Variants in RAPGEF6 observed in about 807,000 individuals in gnomAD.
The protein encoded by RAPGEF6 is Rap guanine nucleotide exchange factor 6.
In RAPGEF6, 56 loss-of-function variants were observed where a neutral mutation model predicts 171.4. The ratio of observed to expected loss-of-function variants is 0.33; its 90% CI spans 0.26 to 0.41. RAPGEF6 has a LOEUF of 0.41. RAPGEF6 is among the 10% of genes least tolerant of loss of function. The probability of loss-of-function intolerance (pLI) is 1.00; values close to 1 mark genes in which losing one functional copy is unlikely to be tolerated. For missense variants in RAPGEF6, 1,674 were observed against 1,921.4 expected, an observed-to-expected ratio of 0.87 and a Z score of 2.41; for synonymous variants, 692 against 650.1, an observed-to-expected ratio of 1.06 and a Z score of -0.98.
chr5:131,499,581 C>CA (rs375534138), intron 11 of RAPGEF6, among the ~76,000 whole-genome samples: 58,701 of 87,662 alleles, frequency 0.67, 20,354 homozygotes, highest in Non-Finnish European at 0.76. Context: ...GACTTTGTCT[C>CA]AAAAAAAAAA....
In RAPGEF6 at chr5:131,599,581, T is replaced by C. The variant is rs1013493633; in HGVS notation, c.197+3690A>G. Among the ~76,000 whole-genome samples, 6 of 152,278 alleles carry C rather than the reference T, an allele frequency of 3.9e-5. No individual in the cohort carries two copies. The South Asian group carries it at 6.2e-4, about 16-fold the overall frequency. ...CACTGCAGCGCAAGAGAGAAAAAGATAGTTTTTCAATAAATGGTGCTGGAT... is the reference window on the plus strand; with the variant it reads ...CACTGCAGCGCAAGAGAGAAAAAGACAGTTTTTCAATAAATGGTGCTGGAT... On this transcript the variant is annotated intron_variant, in intron 3 of 27. Coordinates refer to ENST00000509018, the MANE Select transcript of RAPGEF6 (RefSeq NM_016340.6).
At chr5:131,480,571 C>T (rs1285147353) in intron 15 of RAPGEF6, among the ~76,000 whole-genome samples, 3 of 152,016 alleles carry the variant, frequency 2.0e-5, no homozygotes, top group Non-Finnish European at 2.9e-5. Context: ...CTCCATCTCC[C>T]GGGTTCAAGC....
chr5:131,442,563 T>C, intron 22 of RAPGEF6, 26 bp from the exon 23 acceptor site: 1 of 1,609,972 alleles, frequency 6.2e-7, no homozygotes, highest in East Asian at 2.2e-5. Context: ...AAGAAATAAG[T>C]AACTGCACGT....
At chr5:131,519,717 A>G (rs113728743) in intron 7 of RAPGEF6, among the ~76,000 whole-genome samples, 187 of 152,336 alleles carry the variant, frequency 1.2e-3, no homozygotes, top group African/African-American at 4.0e-3. Context: ...AAGTCCAGAT[A>G]TTCTCACATG....
chr5:131,489,899 G>A (rs532694943), intron 14 of RAPGEF6, among the ~76,000 whole-genome samples: 98 of 151,054 alleles, frequency 6.5e-4, no homozygotes, highest in African/African-American at 2.3e-3. Context: ...ATCATACTGA[G>A]GAAATTTAAA....
chr5:131,445,715 T>C (rs1752648538), intron 22 of RAPGEF6, among the ~76,000 whole-genome samples: 1 of 152,126 alleles, frequency 6.6e-6, no homozygotes, highest in Non-Finnish European at 1.5e-5. Flanking sequence ...CCCAAGTTGC[T>C]AGCACTACCA....
At chr5:131,558,292 C>T (rs1761369609) in intron 5 of RAPGEF6, among the ~76,000 whole-genome samples, 2 of 151,596 alleles carry the variant, frequency 1.3e-5, no homozygotes, top group South Asian at 4.2e-4. Context: ...ATACCATCTC[C>T]CTTATTAGCA....
intron 15 of RAPGEF6, among the ~76,000 whole-genome samples, chr5:131,488,586 G>T (rs941361016): frequency 3.3e-5 from 5 of 152,052 alleles, no homozygotes; most frequent in African/African-American, 1.2e-4. Flanking sequence ...CCAATTGACA[G>T]TTTACCAGAT....
At chr5:131,428,167 C>T (rs530507423) in intron 27 of RAPGEF6, among the ~76,000 whole-genome samples, 10 of 152,036 alleles carry the variant, frequency 6.6e-5, no homozygotes, top group South Asian at 2.1e-4. Flanking sequence ...CCAACACTTT[C>T]GGAGGCTGGG....
intron 4 of RAPGEF6, among the ~76,000 whole-genome samples, chr5:131,583,385 A>G (rs1190224498): frequency 6.6e-6 from 1 of 152,236 alleles, no homozygotes; most frequent in Non-Finnish European, 1.5e-5. Flanking sequence ...CAAATTATAA[A>G]TAAGACCTAA....
chr5:131,602,789 G>C (rs1764333623), intron 3 of RAPGEF6, among the ~76,000 whole-genome samples: 1 of 151,904 alleles, frequency 6.6e-6, no homozygotes, highest in Non-Finnish European at 1.5e-5. Context: ...CAAACAAAAA[G>C]AAAACTAGAA....
intron 6 of RAPGEF6, among the ~76,000 whole-genome samples, chr5:131,535,507 T>C (rs1331846689): frequency 1.3e-5 from 2 of 152,142 alleles, no homozygotes; most frequent in Non-Finnish European, 2.9e-5. Context: ...CTGATCTACC[T>C]ATTGTCTAGG....
At chr5:131,600,736 G>A (rs1764192160) in intron 3 of RAPGEF6, among the ~76,000 whole-genome samples, 1 of 152,084 alleles carries the variant, frequency 6.6e-6, no homozygotes, top group Admixed American at 6.5e-5. Flanking sequence ...TAAGAAAAAT[G>A]AATCTTGAAT....
chr5:131,545,026 T>C (rs1760421692), intron 6 of RAPGEF6, among the ~76,000 whole-genome samples: 1 of 152,110 alleles, frequency 6.6e-6, no homozygotes, highest in Non-Finnish European at 1.5e-5. Flanking sequence ...CCTTTAATAA[T>C]ATCTCAATAA....
At chr5:131,626,887 C>A (rs893247068) in intron 1 of RAPGEF6, among the ~76,000 whole-genome samples, 39 of 152,138 alleles carry the variant, frequency 2.6e-4, no homozygotes, top group African/African-American at 8.4e-4. Flanking sequence ...ATGATTTGAA[C>A]AACATATTGT....
intron 14 of RAPGEF6, among the ~76,000 whole-genome samples, chr5:131,490,628 A>G (rs982948773): frequency 1.7e-4 from 26 of 152,304 alleles, no homozygotes; most frequent in African/African-American, 6.3e-4. Context: ...TGATGTGATA[A>G]CTTTCTGTGA....
At chr5:131,627,356 T>A (rs1765999186) in intron 1 of RAPGEF6, among the ~76,000 whole-genome samples, 1 of 152,242 alleles carries the variant, frequency 6.6e-6, no homozygotes, top group South Asian at 2.1e-4. Flanking sequence ...TGAGTAAGAC[T>A]GTCCAAGAAA....
At chr5:131,625,643 G>C (rs980507694) in intron 1 of RAPGEF6, among the ~76,000 whole-genome samples, 1 of 151,950 alleles carries the variant, frequency 6.6e-6, no homozygotes, top group Non-Finnish European at 1.5e-5. Flanking sequence ...GTGAAACCCC[G>C]TCTCTACTAA....
intron 15 of RAPGEF6, among the ~76,000 whole-genome samples, chr5:131,488,683 A>C (rs1383479455): frequency 6.6e-6 from 1 of 152,180 alleles, no homozygotes; most frequent in Admixed American, 6.5e-5. Context: ...ACAATATAAA[A>C]AGCCAAAGTG....
Sources: gnomAD v4.1 joint callset for allele counts (sites outside exome capture counted in the v4.1 genomes callset) on GRCh38, gnomAD v4.1.1 for gene constraint, MANE v1.5 for transcripts, NCBI Gene and HGNC (gene_info 2026-07-23, HGNC 2026-07-21) for gene names.